KMT2C: variants seen among roughly 807,000 people sequenced by gnomAD.
KMT2C encodes lysine methyltransferase 2C.
In KMT2C, 88 loss-of-function variants were observed where a neutral mutation model predicts 507.9. That is an observed-to-expected ratio of 0.17 (90% CI 0.15 to 0.21). The LOEUF is 0.21. KMT2C is among the 10% of genes least tolerant of loss of function. The probability of loss-of-function intolerance (pLI) is 1.00; values close to 1 mark genes in which losing one functional copy is unlikely to be tolerated. For synonymous variants in KMT2C, 2,049 were observed against 2,080.8 expected, an observed-to-expected ratio of 0.98 and a Z score of 0.42; for missense variants, 4,954 against 5,957.8, an observed-to-expected ratio of 0.83 and a Z score of 5.55.
intron 23 of KMT2C, among the ~76,000 whole-genome samples, chr7:152,215,468 C>T (rs1202643307): frequency 7.8e-6 from 1 of 128,730 alleles, no homozygotes; most frequent in Admixed American, 9.2e-5. Flanking sequence ...GAGCAAAGAT[C>T]GTGCCACTGC....
At chr7:152,218,405 C>A (rs377144534) in intron 23 of KMT2C, among the ~76,000 whole-genome samples, 1 of 152,112 alleles carries the variant, frequency 6.6e-6, no homozygotes, top group Non-Finnish European at 1.5e-5. Flanking sequence ...CTCAGGTGAT[C>A]CACCCGCCTT....
chr7:152,421,088 T>G (rs1182609905), intron 1 of KMT2C, among the ~76,000 whole-genome samples: 1 of 150,520 alleles, frequency 6.6e-6, no homozygotes, highest in Non-Finnish European at 1.5e-5. Context: ...GCAAAGGGCA[T>G]GAACAGACAC....
At chr7:152,245,294 T>C (rs1028716655) in intron 14 of KMT2C, among the ~76,000 whole-genome samples, 5 of 152,210 alleles carry the variant, frequency 3.3e-5, no homozygotes, top group African/African-American at 1.2e-4. Context: ...TGTTTTTATA[T>C]TTCTCAAAAT....
intron 1 of KMT2C, among the ~76,000 whole-genome samples, chr7:152,386,501 T>C (rs2097428007): frequency 6.6e-6 from 1 of 152,312 alleles, no homozygotes; most frequent in African/African-American, 2.4e-5. Flanking sequence ...CTAAACTACA[T>C]TTCCCAGCTT....
intron 6 of KMT2C, among the ~76,000 whole-genome samples, chr7:152,297,059 G>GAAAGAA (rs1563767704): frequency 4.6e-3 from 298 of 64,216 alleles, no homozygotes; most frequent in Middle Eastern, 7.7e-3. Flanking sequence ...GAAAGACAGA[G>GAAAGAA]AGAGAGAGAG....
At chr7:152,304,730 G>A (rs777377568) in intron 6 of KMT2C, among the ~76,000 whole-genome samples, 52 of 152,044 alleles carry the variant, frequency 3.4e-4, no homozygotes, top group Non-Finnish European at 5.9e-4. Flanking sequence ...TAATAGAGAC[G>A]AGATCTCACT....
chr7:152,423,139 G>A (rs1402609545), intron 1 of KMT2C, among the ~76,000 whole-genome samples: 3 of 151,904 alleles, frequency 2.0e-5, no homozygotes, highest in Non-Finnish European at 4.4e-5. Context: ...TCAGGAGTTC[G>A]TACCAACCTG....
intron 43 of KMT2C, 70 bp from the exon 44 acceptor site, chr7:152,159,142 C>A: frequency 1.6e-6 from 2 of 1,266,180 alleles, no homozygotes; most frequent in Non-Finnish European, 1.2e-6. Flanking sequence ...CATGCAGTGC[C>A]AAGCTATGAC....
In KMT2C at chr7:152,307,599, G is replaced by A. The variant is rs1589084297; in HGVS notation, c.849+2367C>T. ...TTGCTTAGGCCCACCAAATTCTAATGCCTAAACAAAGTCGGAAGGGATGCA... is the reference window on the plus strand; with the variant it reads ...TTGCTTAGGCCCACCAAATTCTAATACCTAAACAAAGTCGGAAGGGATGCA... On this transcript the variant is annotated intron_variant, in intron 6 of 58. Transcript: ENST00000262189. Among the ~76,000 whole-genome samples, 7 of 152,252 alleles carry A rather than the reference G, an allele frequency of 4.6e-5. 2 individuals are homozygous for A. The highest frequency in any genetic ancestry group is 4.6e-4 in the Admixed American group (7 of 15,294).
chr7:152,367,202 T>TG (rs1386087775), intron 1 of KMT2C: 1 of 1,494,390 alleles, frequency 6.7e-7, no homozygotes, highest in African/African-American at 1.4e-5. Flanking sequence ...AGGAAGCTTT[T>TG]CTACTCAGCA....
In KMT2C at chr7:152,148,926, C is replaced by T. The variant is rs183426496; in HGVS notation, c.13001G>A (p.Arg4334Gln). ...ELKVTVKLKP[R>Q]LRAVHGGFED... The stretch of plus-strand genomic sequence containing the variant: ...AAACCCACCATGGACAGCTCTTAGC[C>T]GAGGCTTCAGCTTGACTGTCACCTT... Residue 4334 changes from arginine (R) to glutamine (Q), a missense_variant, in exon 52 of 59, where the codon CGG (arginine) becomes CAG (glutamine). This residue lies in a region of KMT2C where 417 missense variants were observed against 461.1 expected (regional missense o/e 0.90). Transcript: ENST00000262189. The surrounding 1 kb of genome is among the most constrained non-coding windows in gnomAD (Gnocchi z 7.1). 20 of 1,612,506 alleles carry T rather than the reference C, an allele frequency of 1.2e-5. No homozygotes were observed. The highest frequency in any genetic ancestry group is 5.3e-5 in the African/African-American group (4 of 74,990).
At chr7:152,384,814 C>T (rs891710910) in intron 1 of KMT2C, among the ~76,000 whole-genome samples, 9 of 152,386 alleles carry the variant, frequency 5.9e-5, no homozygotes, top group African/African-American at 7.2e-5. Flanking sequence ...ATTTATTCTG[C>T]CTTTCCCATA....
intron 7 of KMT2C, among the ~76,000 whole-genome samples, chr7:152,273,386 A>G (rs992001161): frequency 8.5e-5 from 13 of 152,196 alleles, no homozygotes; most frequent in Admixed American, 2.0e-4. Flanking sequence ...TTAATAAATT[A>G]TTTTATAGTA....
chr7:152,153,369 T>C (rs969525922), intron 48 of KMT2C, among the ~76,000 whole-genome samples: 3 of 152,200 alleles, frequency 2.0e-5, no homozygotes, highest in Admixed American at 2.0e-4. Flanking sequence ...TATCACATCA[T>C]TGGACTTCTA....
intron 39 of KMT2C, among the ~76,000 whole-genome samples, chr7:152,172,943 A>G (rs1467758257): frequency 1.3e-5 from 2 of 152,162 alleles, no homozygotes; most frequent in Non-Finnish European, 2.9e-5. Context: ...TTTAATAACT[A>G]TATTTCAAGT....
At chr7:152,251,726 A>G (rs2095565236) in intron 11 of KMT2C, among the ~76,000 whole-genome samples, 1 of 152,162 alleles carries the variant, frequency 6.6e-6, no homozygotes. Context: ...GAATTCAAAT[A>G]CTAAAAAAAA....
chr7:152,286,502 AG>A (rs2096299379), intron 6 of KMT2C, among the ~76,000 whole-genome samples: 1 of 152,312 alleles, frequency 6.6e-6, no homozygotes, highest in South Asian at 2.1e-4. Context: ...CATGGAAGAC[AG>A]GAAACAATGC....
chr7:152,394,972 TTTC>T (rs1294267257), intron 1 of KMT2C, among the ~76,000 whole-genome samples: 1 of 152,158 alleles, frequency 6.6e-6, no homozygotes, highest in Non-Finnish European at 1.5e-5. Context: ...AATTAAAATT[TTTC>T]TTATTTGAAG....
chr7:152,263,218 A>G, intron 8 of KMT2C, 88 bp from the exon 9 acceptor site: 1 of 1,126,972 alleles, frequency 8.9e-7, no homozygotes, highest in Non-Finnish European at 1.3e-6. Flanking sequence ...AGTCCTGGGA[A>G]CTGCACAGTT....
Sources: gnomAD v4.1 joint callset for allele counts (sites outside exome capture counted in the v4.1 genomes callset) on GRCh38, gnomAD v4.1.1 for gene constraint, gnomAD v4.1.1 regional missense constraint, Gnocchi (gnomAD v3.1) non-coding constraint, MANE v1.5 for transcripts, NCBI Gene and HGNC (gene_info 2026-07-23, HGNC 2026-07-21) for gene names.